The following ZMYM2 variants were observed in gnomAD, a reference collection of about 807,000 sequenced individuals.
ZMYM2 encodes the protein zinc finger MYM-type protein 2.
ZMYM2 carries 56 observed loss-of-function variants against 162.8 expected under a neutral mutation model. The observed-to-expected ratio is 0.34, with a 90% CI of 0.28 to 0.43. The LOEUF (loss-of-function observed/expected upper bound fraction) is 0.43. Among genes scored for constraint, ZMYM2 ranks in the 20% least tolerant of loss-of-function variants. ZMYM2 has a pLI of 1.00. For synonymous variants in ZMYM2, 510 were observed against 541.6 expected (o/e 0.94, Z 0.81); for missense variants, 1,275 against 1,621.8 (o/e 0.79, Z 3.67).
chr13:19,937,418 A>T, the ZMYM2 span, among the ~76,000 whole-genome samples: 1 of 150,072 alleles, frequency 6.7e-6, no homozygotes, highest in African/African-American at 2.4e-5. Context: ...GATTACAGGC[A>T]TGAGCCACTG....
At position 20,064,559 on chromosome 13, in the gene ZMYM2, A is replaced by T; in HGVS notation, c.3132+14A>T. 1.3e-6 allele frequency: 2 copies of T among 1,545,146 alleles called. No individual in the cohort carries two copies. The highest frequency in any genetic ancestry group is 8.7e-7 in the Non-Finnish European group (1 of 1,143,626). On this transcript the variant is annotated intron_variant, in intron 19 of 24. Transcript: ENST00000610343. ...TCTAAAAAAAAGGTACATTCACTTA[A>T]TAGCCTATATAACAATATTTCTCTA...
At chr13:19,902,509 G>C in the ZMYM2 span, among the ~76,000 whole-genome samples, 4 of 152,110 alleles carry the variant, frequency 2.6e-5, no homozygotes, top group African/African-American at 9.6e-5. Flanking sequence ...CCAGCTACTC[G>C]GGAGGCTGAG....
At chr13:19,874,781 T>C in the ZMYM2 span, among the ~76,000 whole-genome samples, 1 of 152,182 alleles carries the variant, frequency 6.6e-6, no homozygotes, top group Non-Finnish European at 1.5e-5. Flanking sequence ...CTACTACAGC[T>C]AGTGAGAGCT....
chr13:19,944,161 A>G, the ZMYM2 span, among the ~76,000 whole-genome samples: 1 of 152,174 alleles, frequency 6.6e-6, no homozygotes, highest in South Asian at 2.1e-4. Context: ...TTAGGAAAGA[A>G]ACAAGAACAA....
intron 6 of ZMYM2, among the ~76,000 whole-genome samples, chr13:20,012,463 A>G (rs1391581415): frequency 6.6e-6 from 1 of 152,050 alleles, no homozygotes; most frequent in South Asian, 2.1e-4. Context: ...TACAGGTGTG[A>G]GCCACCACGC....
At chr13:20,069,940 T>G (rs1956955268) in intron 21 of ZMYM2, among the ~76,000 whole-genome samples, 1 of 152,136 alleles carries the variant, frequency 6.6e-6, no homozygotes, top group Non-Finnish European at 1.5e-5. Context: ...TCATAAGATC[T>G]AGTCAAGGGG....
At chr13:19,870,211 A>G in the ZMYM2 span, among the ~76,000 whole-genome samples, 4 of 152,200 alleles carry the variant, frequency 2.6e-5, 1 homozygote, top group Non-Finnish European at 5.9e-5. Flanking sequence ...GCTGGAGTGC[A>G]GCAGTGCAGT....
At chr13:19,939,896 A>G in the ZMYM2 span, among the ~76,000 whole-genome samples, 1 of 152,216 alleles carries the variant, frequency 6.6e-6, no homozygotes, top group Non-Finnish European at 1.5e-5. Context: ...TAAAGGACTC[A>G]AGGCAGCATG....
the ZMYM2 span, among the ~76,000 whole-genome samples, chr13:19,898,402 T>G: frequency 6.6e-6 from 1 of 151,802 alleles, no homozygotes; most frequent in Non-Finnish European, 1.5e-5. Flanking sequence ...CCAGCTAATT[T>G]TTTTGTATTT....
the ZMYM2 span, among the ~76,000 whole-genome samples, chr13:19,884,954 CAGAGTGCTGATTGGTAT>C: frequency 2.0e-5 from 3 of 152,096 alleles, no homozygotes; most frequent in African/African-American, 7.2e-5. Context: ...GCCCATTTTA[CAGAGTGCTGATTGGTAT>C]ATTTTACAGA....
chr13:19,905,867 A>G, the ZMYM2 span, among the ~76,000 whole-genome samples: 1 of 152,176 alleles, frequency 6.6e-6, no homozygotes, highest in African/African-American at 2.4e-5. Context: ...TGGGCTGGGC[A>G]TGGCGGCTCA....
chr13:20,015,914 A>G (rs1463428067), intron 6 of ZMYM2, among the ~76,000 whole-genome samples: 3 of 152,226 alleles, frequency 2.0e-5, no homozygotes, highest in Non-Finnish European at 1.5e-5. Flanking sequence ...TTAAATGTAC[A>G]TGGATCAAAT....
chr13:19,958,537 G>C (rs568652660), upstream of ZMYM2: 4 of 152,456 alleles, frequency 2.6e-5, no homozygotes, highest in Non-Finnish European at 5.9e-5. Context: ...TGGAACGGCA[G>C]GGCCGGGGGA....
In ZMYM2 at chr13:19,971,260, ATATTTTTT is replaced by A. The variant is rs1231777438; in HGVS notation, c.-11+11236_-11+11243del. Among the ~76,000 whole-genome samples, 19 of 103,076 alleles carry A rather than the reference ATATTTTTT, an allele frequency of 1.8e-4. No individual in the cohort carries two copies. In the South Asian group the frequency reaches 1.9e-3, roughly 10 times the overall value. The allele number at this position is 103,076 out of a possible 152,430, so 67.6% of individuals were successfully genotyped here. On this transcript the variant is annotated intron_variant, in intron 2 of 24. Transcript: ENST00000610343. ...TGTGTGTGTGTATATATATATATATATATTTTTTTTTTTTTTTTTTTTTCCTTGAGATG... is the reference window on the plus strand; with the variant it reads ...TGTGTGTGTGTATATATATATATATATTTTTTTTTTTTTTTCCTTGAGATG...
chr13:20,006,915 G>A (rs114467477), intron 6 of ZMYM2, among the ~76,000 whole-genome samples: 2,087 of 152,222 alleles, frequency 0.014, 40 homozygotes, highest in African/African-American at 0.047. Flanking sequence ...CTTAGAATGG[G>A]TTTATCAGGA....
chr13:19,882,986 A>T, the ZMYM2 span, among the ~76,000 whole-genome samples: 7 of 152,234 alleles, frequency 4.6e-5, no homozygotes, highest in African/African-American at 1.7e-4. Flanking sequence ...AGTAGACAAA[A>T]GATGGAAACA....
the ZMYM2 span, among the ~76,000 whole-genome samples, chr13:19,885,879 ACACATATATATG>A: frequency 1.8e-5 from 2 of 113,988 alleles, no homozygotes; most frequent in African/African-American, 3.6e-5. Context: ...ATATGTATAT[ACACATATATATG>A]TGTATACACA....
rs769941637 is a variant in ZMYM2, at chr13:20,064,489, C to T, written c.3076C>T (p.Pro1026Ser). 6.2e-7 allele frequency: 1 copy of T among 1,600,880 alleles called. No homozygotes were observed. Among genetic ancestry groups the T allele is most frequent in the South Asian group, 1.1e-5 (1 of 88,234 alleles). ...TGATATGGAAAATGAATTTTTATTA[C>T]CACCTGTTTTTGGCGAAGAATATGA... ...ELDMENEFLL[P>S]PVFGEEYEEQ... Residue 1026 changes from proline to serine, a missense_variant, in exon 19 of 25, where the codon CCA becomes TCA. By Grantham distance (74) the Pro-to-Ser change is moderately conservative (BLOSUM62 -1). Coordinates refer to ENST00000610343, the MANE Select transcript of ZMYM2 (RefSeq NM_197968.4).
chr13:20,071,769 CCCTTGATTCA>C (rs1957104047), intron 21 of ZMYM2: 1 of 176,520 alleles, frequency 5.7e-6, no homozygotes, highest in South Asian at 2.0e-4. Flanking sequence ...CAGGTGTTTT[CCCTTGATTCA>C]CCATGAATGA....
Sources: gnomAD v4.1 joint callset for allele counts (sites outside exome capture counted in the v4.1 genomes callset) on GRCh38, gnomAD v4.1.1 for gene constraint, MANE v1.5 for transcripts, NCBI Gene and HGNC (gene_info 2026-07-23, HGNC 2026-07-21) for gene names.